PANK1: variants seen among roughly 807,000 people sequenced by gnomAD.
The protein encoded by PANK1 is pantothenic acid kinase 1.
PANK1 carries 18 observed loss-of-function variants against 40.1 expected under a neutral mutation model. That is an observed-to-expected ratio of 0.45 (90% CI 0.31 to 0.67). The LOEUF is 0.67. Among genes scored for constraint, PANK1 ranks in the 30% least tolerant of loss-of-function variants. PANK1 has a pLI of 0.06. For synonymous variants in PANK1, 242 were observed against 237.7 expected (o/e 1.02, Z -0.17); for missense variants, 457 against 599.6 (o/e 0.76, Z 2.48).
At chr10:89,628,548 G>A (rs1306057190) in intron 1 of PANK1, among the ~76,000 whole-genome samples, 2 of 152,150 alleles carry the variant, frequency 1.3e-5, no homozygotes, top group Admixed American at 1.3e-4. Flanking sequence ...AGGAGTGACT[G>A]CTAATAATTT....
At chr10:89,593,381 AC>A in intron 4 of PANK1, 61 bp from the exon 5 acceptor site, 2 of 1,575,258 alleles carry the variant, frequency 1.3e-6, no homozygotes, top group Middle Eastern at 2.2e-4. Flanking sequence ...CCATCCTTCC[AC>A]CAAAGTATTG....
intron 2 of PANK1, among the ~76,000 whole-genome samples, chr10:89,600,616 T>G (rs767047175): frequency 6.6e-6 from 1 of 152,214 alleles, no homozygotes; most frequent in Non-Finnish European, 1.5e-5. Flanking sequence ...AAGTGCCCTA[T>G]TATGTTCCTG....
chr10:89,603,221 A>G (rs1844840719), intron 2 of PANK1, among the ~76,000 whole-genome samples: 1 of 152,294 alleles, frequency 6.6e-6, no homozygotes, highest in Middle Eastern at 3.4e-3. Flanking sequence ...ACCCCCGACC[A>G]TGACCAATTT....
rs117022533 is a variant in PANK1, at chr10:89,617,408, T to C, written c.293-5360A>G. On this transcript the variant is annotated intron_variant, in intron 1 of 6. Coordinates refer to ENST00000307534, the MANE Select transcript of PANK1 (RefSeq NM_148977.3). The stretch of plus-strand genomic sequence containing the variant: ...CTAGTGAAAGACTTTGAAAGTCTAA[T>C]GTTAGTAGCATGTATTCATTACTAT... Among the ~76,000 whole-genome samples, 685 of 152,288 alleles carry C rather than the reference T, an allele frequency of 4.5e-3. 6 individuals are homozygous for C. The highest frequency in any genetic ancestry group is 0.014 in the South Asian group (69 of 4,830).
intron 1 of PANK1, among the ~76,000 whole-genome samples, chr10:89,631,636 A>T (rs773789101): frequency 3.9e-5 from 6 of 152,232 alleles, no homozygotes; most frequent in Non-Finnish European, 8.8e-5. Flanking sequence ...TATGTAGGAG[A>T]TACTAATCAC....
At chr10:89,639,355 C>T in intron 1 of PANK1, 2 of 298,546 alleles carry the variant, frequency 6.7e-6, no homozygotes, top group Non-Finnish European at 1.4e-5. Context: ...TTAAGCCCCA[C>T]CTTCTAACAC....
In PANK1 at chr10:89,611,981, A is replaced by G. The variant is rs769651816; in HGVS notation, c.360T>C (p.Asp120=). ...LVKLVYFEPK[D]ITAEEEQEEV... ...CCTCTTGCTCCTCTTCGGCTGTAAT[A>G]TCCTTCGGCTCGAAATACACCAATT... The change falls in exon 2 of 7, where the codon GAT becomes GAC. Residue 120 remains aspartate, a synonymous_variant. Transcript: ENST00000307534. 3 of 1,614,140 alleles carry G rather than the reference A, an allele frequency of 1.9e-6. No homozygotes were observed. The highest frequency in any genetic ancestry group is 2.2e-5 in the South Asian group (2 of 91,072).
At position 89,639,545 on chromosome 10, in the gene PANK1, A is replaced by G. The variant is rs1589822895; in HGVS notation, c.292+5055T>C. Among the ~76,000 whole-genome samples the G allele has an allele frequency of 1.3e-5, 2 of 152,188 alleles. 1 individual carries two copies. Among genetic ancestry groups the G allele is most frequent in the South Asian group, 4.1e-4 (2 of 4,824 alleles). On this transcript the variant is annotated intron_variant, in intron 1 of 6. Transcript: ENST00000307534. ...TGATAAGATGGCCACCATTATCTCT[A>G]TTCAACAGTGAGCCTTGAGGAAGTT...
chr10:89,604,507 C>T (rs573909146), intron 2 of PANK1, among the ~76,000 whole-genome samples: 1 of 152,126 alleles, frequency 6.6e-6, no homozygotes, highest in Non-Finnish European at 1.5e-5. Context: ...GCCTGGCCAA[C>T]ATGGTAAGAC....
rs987060578 is a variant in PANK1 at position 89,583,554 on chromosome 10, A to G, written c.*852T>C. On this transcript the variant is annotated 3_prime_UTR_variant, in exon 7 of 7. Transcript: ENST00000307534. ...GCCATTCATATTCTGTGCATGGATGAGGACATTTAATCACAGACTATTTCA... is the reference window on the plus strand; with the variant it reads ...GCCATTCATATTCTGTGCATGGATGGGGACATTTAATCACAGACTATTTCA... 5 of 152,218 alleles carry G rather than the reference A, an allele frequency of 3.3e-5. No homozygotes were observed. The highest frequency in any genetic ancestry group is 1.2e-4 in the African/African-American group (5 of 41,458). 9.4% of individuals were successfully genotyped at this position (152,218 alleles called of 1,614,324 possible).
intron 1 of PANK1, among the ~76,000 whole-genome samples, chr10:89,636,637 G>C (rs2133029834): frequency 6.6e-6 from 1 of 151,712 alleles, no homozygotes; most frequent in Middle Eastern, 3.4e-3. Flanking sequence ...ATTTTTAGTA[G>C]AGACGGTGTT....
intron 2 of PANK1, among the ~76,000 whole-genome samples, chr10:89,605,271 G>T (rs930274512): frequency 6.6e-6 from 1 of 152,198 alleles, no homozygotes; most frequent in East Asian, 1.9e-4. Flanking sequence ...GAAGTTTGCC[G>T]CATTGGTTGA....
intron 1 of PANK1, chr10:89,643,808 C>T (rs1842031981): frequency 6.2e-7 from 1 of 1,604,012 alleles, no homozygotes; most frequent in Non-Finnish European, 8.5e-7. Flanking sequence ...AAATTTACAT[C>T]CCACAGCGTC....
At chr10:89,628,058 T>C (rs1304332282) in intron 1 of PANK1, among the ~76,000 whole-genome samples, 3 of 152,132 alleles carry the variant, frequency 2.0e-5, no homozygotes, top group South Asian at 2.1e-4. Flanking sequence ...AGTGGAGAAA[T>C]AGGAAACCTC....
At chr10:89,614,132 A>T (rs1231268938) in intron 1 of PANK1, 2 of 421,874 alleles carry the variant, frequency 4.7e-6, no homozygotes, top group South Asian at 3.5e-5. Flanking sequence ...TGGCATGTTA[A>T]CAAGTGCCTG....
At chr10:89,616,297 A>G (rs1236636189) in intron 1 of PANK1, among the ~76,000 whole-genome samples, 1 of 144,000 alleles carries the variant, frequency 6.9e-6, no homozygotes, top group African/African-American at 3.0e-5. Context: ...GAATTCCTAG[A>G]TAAATTTCTA....
At chr10:89,595,990 G>C (rs1844590573) in intron 3 of PANK1, among the ~76,000 whole-genome samples, 1 of 150,532 alleles carries the variant, frequency 6.6e-6, no homozygotes, top group African/African-American at 2.4e-5. Context: ...CCAAACTGTA[G>C]ATGCAGTTCC....
intron 5 of PANK1, among the ~76,000 whole-genome samples, chr10:89,589,387 C>A (rs1055904730): frequency 6.6e-6 from 1 of 152,132 alleles, no homozygotes; most frequent in Non-Finnish European, 1.5e-5. Flanking sequence ...TCTGAACATA[C>A]ACTTATGAAC....
At chr10:89,595,666 A>G (rs1844542028) in intron 3 of PANK1, among the ~76,000 whole-genome samples, 1 of 150,566 alleles carries the variant, frequency 6.6e-6, no homozygotes, top group Non-Finnish European at 1.5e-5. Flanking sequence ...TTAAAAATAC[A>G]AAAATTAGCC....
Sources: allele counts gnomAD v4.1 joint callset (sites outside exome capture counted in the v4.1 genomes callset), GRCh38; gene constraint gnomAD v4.1.1; transcripts MANE v1.5; gene names NCBI Gene and HGNC (gene_info 2026-07-23, HGNC 2026-07-21).